The following KCNB2 variants were observed in gnomAD, a reference collection of about 807,000 sequenced individuals.
KCNB2 encodes delayed rectifier potassium channel protein.
In KCNB2, 15 loss-of-function variants were observed where a neutral mutation model predicts 61.5. That is an observed-to-expected ratio of 0.24 (90% confidence interval 0.16 to 0.38). The LOEUF (loss-of-function observed/expected upper bound fraction) is 0.38, where lower values mean the gene tolerates loss of function less well. Among genes scored for constraint, KCNB2 ranks in the 10% least tolerant of loss-of-function variants. KCNB2 has a pLI of 1.00. For missense variants in KCNB2, 828 were observed against 1,125.2 expected (o/e 0.74, Z 3.78); for synonymous variants, 457 against 446.0 (o/e 1.02, Z -0.31).
chr8:72,760,205 A>G (rs530106536), intron 2 of KCNB2, among the ~76,000 whole-genome samples: 2 of 152,320 alleles, frequency 1.3e-5, no homozygotes, highest in South Asian at 4.1e-4. Flanking sequence ...AGCACTTGCT[A>G]CTTTCATGGA....
intron 2 of KCNB2, among the ~76,000 whole-genome samples, chr8:72,594,178 G>T (rs1295412291): frequency 6.6e-6 from 1 of 152,032 alleles, no homozygotes; most frequent in Non-Finnish European, 1.5e-5. Flanking sequence ...GCCTTCAAAG[G>T]ATTTGAAACT....
intron 2 of KCNB2, among the ~76,000 whole-genome samples, chr8:72,606,824 G>T (rs564897946): frequency 6.6e-6 from 1 of 152,268 alleles, no homozygotes; most frequent in African/African-American, 2.4e-5. Context: ...TAAAAGTTAA[G>T]GCAGAAAAGT....
chr8:72,929,506 A>G (rs983217302), intron 2 of KCNB2, among the ~76,000 whole-genome samples: 4 of 152,232 alleles, frequency 2.6e-5, no homozygotes, highest in African/African-American at 7.2e-5. Flanking sequence ...TACGCAGCGC[A>G]ATATTTTTCA....
At chr8:72,793,792 C>A (rs1232288993) in intron 2 of KCNB2, among the ~76,000 whole-genome samples, 1 of 152,206 alleles carries the variant, frequency 6.6e-6, no homozygotes, top group Non-Finnish European at 1.5e-5. Flanking sequence ...AAATACACTG[C>A]ATGAACTAAT....
At chr8:72,935,009 G>A (rs190047396) in intron 2 of KCNB2, among the ~76,000 whole-genome samples, 2 of 152,058 alleles carry the variant, frequency 1.3e-5, no homozygotes, top group East Asian at 3.9e-4. Context: ...AGTGATGTCT[G>A]TGTACCATGT....
intron 2 of KCNB2, among the ~76,000 whole-genome samples, chr8:72,704,292 G>C (rs1022781383): frequency 6.6e-6 from 1 of 152,094 alleles, no homozygotes; most frequent in African/African-American, 2.4e-5. Context: ...GAACATTTTA[G>C]CATAATTTTA....
intron 2 of KCNB2, among the ~76,000 whole-genome samples, chr8:72,590,943 G>A (rs541193664): frequency 5.9e-5 from 9 of 152,124 alleles, no homozygotes; most frequent in African/African-American, 2.2e-4. Context: ...AAAACCTTTG[G>A]TTCTGATTTA....
intron 2 of KCNB2, among the ~76,000 whole-genome samples, chr8:72,663,526 C>T (rs2128987502): frequency 6.6e-6 from 1 of 152,230 alleles, no homozygotes; most frequent in East Asian, 1.9e-4. Context: ...GGTCTATAGG[C>T]TCACCACTCC....
At chr8:72,901,761 G>A (rs562095962) in intron 2 of KCNB2, among the ~76,000 whole-genome samples, 1 of 152,290 alleles carries the variant, frequency 6.6e-6, no homozygotes, top group Admixed American at 6.5e-5. Flanking sequence ...CACTTTTGCT[G>A]GATGCTGCCA....
chr8:72,543,799 C>A (rs1317895699), intron 1 of KCNB2, among the ~76,000 whole-genome samples: 1 of 152,186 alleles, frequency 6.6e-6, no homozygotes, highest in African/African-American at 2.4e-5. Flanking sequence ...TTAGGAAACT[C>A]ACTCAAAAGG....
chr8:72,605,535 A>G (rs1271224555), intron 2 of KCNB2, among the ~76,000 whole-genome samples: 1 of 152,204 alleles, frequency 6.6e-6, no homozygotes, highest in Non-Finnish European at 1.5e-5. Flanking sequence ...AAAGCTTATT[A>G]AGACAGCTTT....
chr8:72,916,965 G>A (rs1436073479), intron 2 of KCNB2, among the ~76,000 whole-genome samples: 1 of 152,134 alleles, frequency 6.6e-6, no homozygotes, highest in Non-Finnish European at 1.5e-5. Context: ...GGCAGACCAT[G>A]GGTGGTTTGA....
chr8:72,745,439 C>G (rs1043475774), intron 2 of KCNB2, among the ~76,000 whole-genome samples: 5 of 152,064 alleles, frequency 3.3e-5, no homozygotes, highest in African/African-American at 9.7e-5. Flanking sequence ...TTCCTACTAC[C>G]CTTGTAGGTT....
intron 2 of KCNB2, among the ~76,000 whole-genome samples, chr8:72,667,006 T>TGTGTGAGAGAGAGA (rs141712140): frequency 6.8e-6 from 1 of 147,830 alleles, no homozygotes; most frequent in African/African-American, 2.5e-5. Context: ...TGTGTGTGTG[T>TGTGTGAGAGAGAGA]GAGAGAGAGA....
At chr8:72,548,386 T>C (rs1013094301) in intron 1 of KCNB2, among the ~76,000 whole-genome samples, 1 of 152,194 alleles carries the variant, frequency 6.6e-6, no homozygotes. Flanking sequence ...AGAAGTCCTG[T>C]TGGATATTGT....
At chr8:72,817,126 C>T (rs1320772014) in intron 2 of KCNB2, among the ~76,000 whole-genome samples, 1 of 152,126 alleles carries the variant, frequency 6.6e-6, no homozygotes, top group Admixed American at 6.5e-5. Flanking sequence ...AGGGGGGCAA[C>T]ATTGTCCTTA....
At chr8:72,610,391 A>G (rs1391422288) in intron 2 of KCNB2, among the ~76,000 whole-genome samples, 1 of 152,206 alleles carries the variant, frequency 6.6e-6, no homozygotes, top group Non-Finnish European at 1.5e-5. Context: ...AATTAGGATA[A>G]CATGAAGATT....
chr8:72,935,755 G>A (rs756944651), intron 2 of KCNB2, among the ~76,000 whole-genome samples, 180 bp from the exon 3 acceptor site: 2 of 152,122 alleles, frequency 1.3e-5, no homozygotes, highest in African/African-American at 2.4e-5. Context: ...ATATACATTA[G>A]GCTTCTAAAT....
chr8:72,883,087 A>T (rs571961387), intron 2 of KCNB2, among the ~76,000 whole-genome samples: 5 of 152,140 alleles, frequency 3.3e-5, no homozygotes, highest in African/African-American at 1.2e-4. Context: ...CGCTTTTACA[A>T]TATGATGCGA....
Sources: gnomAD v4.1 joint callset for allele counts (sites outside exome capture counted in the v4.1 genomes callset) on GRCh38, gnomAD v4.1.1 for gene constraint, MANE v1.5 for transcripts, NCBI Gene and HGNC (gene_info 2026-07-23, HGNC 2026-07-21) for gene names.